The following ARVCF variants were observed in gnomAD, a reference collection of about 807,000 sequenced individuals.
The protein encoded by ARVCF is splicing regulator ARVCF.
A neutral mutation model predicts 90.9 loss-of-function variants in ARVCF; 66 were observed. The observed-to-expected ratio is 0.73, with a 90% CI of 0.60 to 0.89. The LOEUF (loss-of-function observed/expected upper bound fraction) is 0.89. ARVCF is among the 40% of genes least tolerant of loss of function. ARVCF has a pLI of 0.00. For missense variants in ARVCF, 1,469 were observed against 1,382.3 expected (o/e 1.06, Z -1.00); for synonymous variants, 653 against 603.4 (o/e 1.08, Z -1.21).
Position 19,981,711 on chromosome 22 carries a change from G to A in ARVCF, c.396C>T (p.Thr132=), listed in dbSNP as rs761023188. The part of the protein sequence containing the change: ...TKVTKTVKTV[T]TRTVRQVPVG... ...CGGGCACCTGGCGTACTGTCCGAGT[G>A]GTCACCGTCTTGACAGTCTTGGTGA... The change falls in exon 5 of 20, where the codon ACC becomes ACT. Residue 132 remains threonine (T), a synonymous_variant. Transcript: ENST00000263207. 1.3e-6 allele frequency: 2 copies of A among 1,581,330 alleles called. No homozygotes were observed. The highest frequency in any genetic ancestry group is 2.3e-5 in the South Asian group (2 of 86,748).
At chr22:19,981,896 C>A in intron 4 of ARVCF, 37 bp downstream of exon 4, 1 of 1,604,834 alleles carries the variant, frequency 6.2e-7, no homozygotes, top group Non-Finnish European at 8.5e-7. Context: ...AGCAGCCTGG[C>A]CCTGCTCACC....
intron 2 of ARVCF, among the ~76,000 whole-genome samples, chr22:19,994,868 C>T (rs1198954491): frequency 8.5e-6 from 1 of 117,716 alleles, no homozygotes; most frequent in Non-Finnish European, 1.6e-5. Flanking sequence ...AAAACAGACG[C>T]ATAGATGGGA....
chr22:19,981,549 C>A lies in ARVCF; in HGVS notation c.558G>T (p.Gly186=). The change falls in exon 5 of 20, where the codon GGG becomes GGT. Residue 186 remains glycine (G), a synonymous_variant. Coordinates refer to ENST00000263207, the MANE Select transcript of ARVCF (RefSeq NM_001670.3). ...ATLSRAYLSS[G]GGFPEGPEPR... ...GCTCGGGGCCTTCGGGAAAGCCACCCCCACTGCTGAGGTAGGCTCGAGAGA... is the reference window on the plus strand; with the variant it reads ...GCTCGGGGCCTTCGGGAAAGCCACCACCACTGCTGAGGTAGGCTCGAGAGA... 1 of 1,592,066 alleles carries A rather than the reference C, an allele frequency of 6.3e-7. No homozygotes were observed. The highest frequency in any genetic ancestry group is 8.5e-7 in the Non-Finnish European group (1 of 1,170,834).
At chr22:19,971,831 AC>A (rs1439212638) in intron 18 of ARVCF, 54 bp downstream of exon 18, 3 of 1,581,580 alleles carry the variant, frequency 1.9e-6, no homozygotes, top group South Asian at 1.1e-5. Flanking sequence ...CTCTCCAGCA[AC>A]CCCTAGACAC....
chr22:19,974,319 A>C, intron 11 of ARVCF, 80 bp from the exon 12 acceptor site: 1 of 1,471,998 alleles, frequency 6.8e-7, no homozygotes, highest in East Asian at 2.4e-5. Context: ...CCCGCTTCAG[A>C]GCTCCCAGGG....
chr22:19,987,175 C>A lies in ARVCF; in HGVS notation c.210+3410G>T, dbSNP rs911709964. 1.4e-5 allele frequency: 6 copies of A among 431,650 alleles called. No individual in the cohort carries two copies. In the East Asian group the frequency reaches 1.8e-4, roughly 13 times the overall value. 26.7% of individuals were successfully genotyped at this position (431,650 alleles called of 1,614,324 possible). A position where few individuals can be genotyped will look rare whatever the true frequency, so the allele number is the denominator to read the frequency against. On this transcript the variant is annotated intron_variant, in intron 3 of 19. Transcript: ENST00000263207. ...GCTCGGCTCCGGCGCCTCGGCCGCT[C>A]GGGCTCAGGCTCGGCGGACTCGCTC...
At position 19,973,193 on chromosome 22, in the gene ARVCF, G is replaced by A. The variant is rs371570249; in HGVS notation, c.2364C>T (p.Ser788=). 2.7e-5 allele frequency: 44 copies of A among 1,610,894 alleles called. 1 individual carries two copies. The African/African-American group carries it at 2.9e-4, about 11-fold the overall frequency. ...AVLNTIHEIV[S]DSLDNARSLL... Reference sequence around the variant, plus strand: ...GCGAGCGCGCGTTATCCAGGCTGTCGGACACGATTTCGTGGATGGTGTTGA... The same window carrying A: ...GCGAGCGCGCGTTATCCAGGCTGTCAGACACGATTTCGTGGATGGTGTTGA... Residue 788 remains serine (S), a synonymous_variant, in exon 14 of 20, where the codon TCC becomes TCT. Coordinates refer to ENST00000263207, the MANE Select transcript of ARVCF (RefSeq NM_001670.3).
chr22:20,013,563 C>T (rs1436999657), intron 1 of ARVCF, among the ~76,000 whole-genome samples: 1 of 152,250 alleles, frequency 6.6e-6, no homozygotes. Context: ...TGGGTGGAGC[C>T]GGTCTTGCCT....
At chr22:20,006,839 C>G (rs973051754) in intron 2 of ARVCF, among the ~76,000 whole-genome samples, 4 of 151,644 alleles carry the variant, frequency 2.6e-5, no homozygotes, top group African/African-American at 7.3e-5. Flanking sequence ...ACCATGTTGA[C>G]CAGGATGGTC....
chr22:20,003,823 G>A (rs1394782667), intron 2 of ARVCF, among the ~76,000 whole-genome samples: 2 of 152,136 alleles, frequency 1.3e-5, no homozygotes, highest in African/African-American at 2.4e-5. Context: ...AAAGATGGCT[G>A]TTTTGACCAC....
intron 1 of ARVCF, among the ~76,000 whole-genome samples, chr22:20,013,499 T>TCCGGTCATCCAAGCC (rs1162345168): frequency 1.3e-5 from 2 of 152,218 alleles, no homozygotes; most frequent in Non-Finnish European, 2.9e-5. Context: ...GAGGCCGAGC[T>TCCGGTCATCCAAGCC]CCGGTCATCC....
Position 19,970,453 on chromosome 22 carries a change from T to C in ARVCF, c.*303A>G, listed in dbSNP as rs1283707311. On this transcript the variant is annotated 3_prime_UTR_variant, in exon 20 of 20. Coordinates refer to ENST00000263207, the MANE Select transcript of ARVCF (RefSeq NM_001670.3). ...CAAAGCCCAGCCAGGCACCCTTCCCTGCCACCTCCCTGGGCCCTGCCCCAG... is the reference window on the plus strand; with the variant it reads ...CAAAGCCCAGCCAGGCACCCTTCCCCGCCACCTCCCTGGGCCCTGCCCCAG... 4.6e-6 allele frequency: 5 copies of C among 1,094,848 alleles called. No homozygotes were observed. The African/African-American group carries it at 6.8e-5, about 15-fold the overall frequency. The allele number at this position is 1,094,848 out of a possible 1,614,324, so 67.8% of individuals were successfully genotyped here. A position where few individuals can be genotyped will look rare whatever the true frequency, so the allele number is the denominator to read the frequency against.
At chr22:19,985,518 C>T (rs796070558) in intron 3 of ARVCF, among the ~76,000 whole-genome samples, 11 of 152,366 alleles carry the variant, frequency 7.2e-5, no homozygotes, top group African/African-American at 2.6e-4. Context: ...AGCTTCTTCA[C>T]AAGGAGGTGA....
chr22:19,982,396 C>A (rs1393916472), intron 3 of ARVCF, among the ~76,000 whole-genome samples: 1 of 152,126 alleles, frequency 6.6e-6, no homozygotes, highest in Non-Finnish European at 1.5e-5. Flanking sequence ...GGACATAGAC[C>A]CTGGGGGGTG....
chr22:19,981,283 C>A lies in ARVCF; in HGVS notation c.824G>T (p.Gly275Val). 1 of 1,579,770 alleles carries A rather than the reference C, an allele frequency of 6.3e-7. No homozygotes were observed. Among genetic ancestry groups the A allele is most frequent in the Non-Finnish European group, 8.6e-7 (1 of 1,164,580 alleles). The change falls in exon 5 of 20, where the codon GGC (glycine) becomes GTC (valine). Residue 275 changes from glycine (G) to valine (V), a missense_variant. Transcript: ENST00000263207. The part of the protein sequence containing the change: ...TRSLAADDEG[G>V]PELEPDYGTA... ...GCCATAGTCAGGCTCCAGCTCAGGG[C>A]CACCCTCGTCATCAGCGGCCAGGCT...
In ARVCF at chr22:19,981,553, C is replaced by T; in HGVS notation, c.554G>A (p.Ser185Asn). Residue 185 changes from serine (S) to asparagine (N), a missense_variant, in exon 5 of 20, where the codon AGT becomes AAT. Physicochemically the swap from Ser to Asn is conservative, Grantham distance 46. Transcript: ENST00000263207. ...GGGGCCTTCGGGAAAGCCACCCCCA[C>T]TGCTGAGGTAGGCTCGAGAGAGTGT... Reference protein sequence around the residue: ...VATLSRAYLSSGGGFPEGPEP... With the variant: ...VATLSRAYLSNGGGFPEGPEP... The T allele has an allele frequency of 6.3e-7, 1 of 1,595,712 alleles. No individual in the cohort carries two copies. The highest frequency in any genetic ancestry group is 8.5e-7 in the Non-Finnish European group (1 of 1,172,968).
At chr22:20,007,993 G>T (rs1255598498) in intron 2 of ARVCF, among the ~76,000 whole-genome samples, 2 of 105,136 alleles carry the variant, frequency 1.9e-5, no homozygotes, top group Non-Finnish European at 5.0e-5. Context: ...TGACTACACA[G>T]AGAGACGGAA....
intron 2 of ARVCF, among the ~76,000 whole-genome samples, 189 bp from the exon 3 acceptor site, chr22:19,991,001 C>T (rs1020572778): frequency 2.0e-5 from 3 of 152,242 alleles, no homozygotes; most frequent in African/African-American, 7.2e-5. Context: ...CGGAAGCAGC[C>T]GGCTCACTCC....
At chr22:19,968,468 C>A (rs977343429), downstream of ARVCF, 3 of 1,499,410 alleles carry the variant, frequency 2.0e-6, no homozygotes, top group Admixed American at 1.9e-5. Context: ...GAGCACCCAT[C>A]CTGGTTTGGG....
Sources: allele counts gnomAD v4.1 joint callset (sites outside exome capture counted in the v4.1 genomes callset), GRCh38; gene constraint gnomAD v4.1.1; transcripts MANE v1.5; gene names NCBI Gene and HGNC (gene_info 2026-07-23, HGNC 2026-07-21).